TBC1D32: variants seen among roughly 807,000 people sequenced by gnomAD.
The protein encoded by TBC1D32 is protein broad-minded.
In TBC1D32, 151 loss-of-function variants were observed where a neutral mutation model predicts 170.3. That is an observed-to-expected ratio of 0.89 (90% confidence interval 0.78 to 1.01). The LOEUF is 1.01. Among genes scored for constraint, TBC1D32 ranks in the 50% least tolerant of loss-of-function variants. The pLI, the probability that TBC1D32 is intolerant of heterozygous loss-of-function variation, is 0.00. For synonymous variants in TBC1D32, 498 were observed against 488.0 expected, an observed-to-expected ratio of 1.02 and a Z score of -0.27; for missense variants, 1,464 against 1,457.1, an observed-to-expected ratio of 1.00 and a Z score of -0.08.
chr6:121,334,502 C>G, upstream of TBC1D32: 1 of 1,503,452 alleles, frequency 6.7e-7, no homozygotes, highest in East Asian at 2.6e-5. Context: ...CACGCGCACG[C>G]GCACCCCCAC....
chr6:121,162,813 G>A (rs552233209), intron 22 of TBC1D32, among the ~76,000 whole-genome samples: 2 of 99,106 alleles, frequency 2.0e-5, no homozygotes, highest in African/African-American at 3.0e-5. Flanking sequence ...CTGAGGTACC[G>A]GGTGCATCTC....
chr6:121,255,495 T>A, intron 16 of TBC1D32, 85 bp from the exon 17 acceptor site: 1 of 268,066 alleles, frequency 3.7e-6, no homozygotes, highest in Non-Finnish European at 6.4e-6. Flanking sequence ...ATAATTATAT[T>A]TTATAATTAT....
At chr6:121,137,454 A>G (rs1331141522) in intron 24 of TBC1D32, among the ~76,000 whole-genome samples, 2 of 148,300 alleles carry the variant, frequency 1.3e-5, no homozygotes, top group Admixed American at 1.4e-4. Context: ...TGATTTATAG[A>G]CAACTATGAA....
At chr6:121,170,578 G>T (rs773763907) in intron 22 of TBC1D32, 1 of 1,361,056 alleles carries the variant, frequency 7.3e-7, no homozygotes, top group Non-Finnish European at 9.6e-7. Flanking sequence ...TGTCCCAAAA[G>T]CATAATTACA....
chr6:121,228,391 T>C (rs1185395762), intron 20 of TBC1D32, among the ~76,000 whole-genome samples: 2 of 152,122 alleles, frequency 1.3e-5, no homozygotes, highest in Admixed American at 6.6e-5. Context: ...TATTTTCTAA[T>C]ACAAATATTA....
chr6:121,161,360 A>G (rs1207852569), intron 22 of TBC1D32, among the ~76,000 whole-genome samples: 1 of 151,894 alleles, frequency 6.6e-6, no homozygotes, highest in Non-Finnish European at 1.5e-5. Flanking sequence ...CCCCAGCTTC[A>G]CCCTCTAACA....
At chr6:121,304,270 T>C (rs918892862) in intron 8 of TBC1D32, 95 bp downstream of exon 8, 13 of 1,084,340 alleles carry the variant, frequency 1.2e-5, no homozygotes, top group African/African-American at 1.6e-5. Flanking sequence ...ATCAGGTAAG[T>C]CCATTAAGAC....
chr6:121,110,069 G>C (rs1444298806), intron 29 of TBC1D32, among the ~76,000 whole-genome samples: 1 of 151,710 alleles, frequency 6.6e-6, no homozygotes, highest in Non-Finnish European at 1.5e-5. Flanking sequence ...GGCTAACACG[G>C]TGAAACCTGG....
At chr6:121,134,110 A>G (rs1781751251) in intron 24 of TBC1D32, among the ~76,000 whole-genome samples, 1 of 152,124 alleles carries the variant, frequency 6.6e-6, no homozygotes, top group Non-Finnish European at 1.5e-5. Context: ...CATATTGCCA[A>G]GAATAAAATA....
At chr6:121,087,529 T>C (rs1057026416) in intron 31 of TBC1D32, among the ~76,000 whole-genome samples, 2 of 152,246 alleles carry the variant, frequency 1.3e-5, no homozygotes, top group Non-Finnish European at 1.5e-5. Flanking sequence ...CATGTCATTT[T>C]ATCTCAATAC....
rs1429260024 is a variant in TBC1D32, at chr6:121,113,147, A to T, written c.3084T>A (p.Asp1028Glu). The change falls in exon 28 of 32, where the codon GAT (aspartate) becomes GAA (glutamate). Residue 1028 changes from aspartate (D) to glutamate (E), a missense_variant. Physicochemically the swap from Asp to Glu is conservative, Grantham distance 45. Coordinates refer to ENST00000398212, the MANE Select transcript of TBC1D32 (RefSeq NM_152730.6). ...CCCAGGTAAGATCATTTTCTGCACCATCTTTTAAGAGACTGAGGAATTTGC... is the reference window on the plus strand; with the variant it reads ...CCCAGGTAAGATCATTTTCTGCACCTTCTTTTAAGAGACTGAGGAATTTGC... ...RYGKFLSLLKDGAENDLTWVL... is the reference protein window; with the variant it reads ...RYGKFLSLLKEGAENDLTWVL... The T allele has an allele frequency of 1.2e-6, 2 of 1,610,712 alleles. No individual in the cohort carries two copies. Among genetic ancestry groups the T allele is most frequent in the Non-Finnish European group, 1.7e-6 (2 of 1,178,852 alleles).
chr6:121,224,662 C>G (rs1419925274), intron 20 of TBC1D32, among the ~76,000 whole-genome samples: 3 of 152,034 alleles, frequency 2.0e-5, no homozygotes, highest in Non-Finnish European at 2.9e-5. Flanking sequence ...CTATTTGACA[C>G]CGACACCCTT....
At chr6:121,110,048 G>A (rs954521174) in intron 29 of TBC1D32, among the ~76,000 whole-genome samples, 3 of 151,770 alleles carry the variant, frequency 2.0e-5, no homozygotes, top group South Asian at 2.1e-4. Flanking sequence ...TCAGGAGATC[G>A]AGACCATCCT....
At chr6:121,125,974 C>A (rs1236058827) in intron 26 of TBC1D32, among the ~76,000 whole-genome samples, 1 of 152,102 alleles carries the variant, frequency 6.6e-6, no homozygotes, top group Non-Finnish European at 1.5e-5. Flanking sequence ...TGTTTACTTA[C>A]TAGGCCACTG....
intron 17 of TBC1D32, among the ~76,000 whole-genome samples, chr6:121,248,468 AGAG>A (rs1270886773): frequency 6.6e-6 from 1 of 152,072 alleles, no homozygotes; most frequent in Non-Finnish European, 1.5e-5. Context: ...AACCAAGATC[AGAG>A]GAGAATTAAA....
rs9320796 is a variant in TBC1D32, at chr6:121,205,304, G to C, written c.2482-141C>G. ...CCTGGGGAGCTGTAAATAATAAGAAGAAGAAGAAGAAGAAGAATAATAGTA... is the reference window on the plus strand; with the variant it reads ...CCTGGGGAGCTGTAAATAATAAGAACAAGAAGAAGAAGAAGAATAATAGTA... On this transcript the variant is annotated intron_variant, in intron 21 of 31. Coordinates refer to ENST00000398212, the MANE Select transcript of TBC1D32 (RefSeq NM_152730.6). 5.1e-3 allele frequency: 2,264 copies of C among 441,898 alleles called. 44 individuals carry two copies. The highest frequency in any genetic ancestry group is 0.043 in the African/African-American group (2,073 of 48,076). The allele number at this position is 441,898 out of a possible 1,614,324, so 27.4% of individuals were successfully genotyped here.
intron 20 of TBC1D32, among the ~76,000 whole-genome samples, chr6:121,226,272 G>A (rs1795050746): frequency 6.6e-6 from 1 of 152,026 alleles, no homozygotes; most frequent in Non-Finnish European, 1.5e-5. Flanking sequence ...ACTTACAATA[G>A]CGCCTAAATG....
chr6:121,286,866 T>A (rs577651189), intron 12 of TBC1D32, among the ~76,000 whole-genome samples: 2 of 151,946 alleles, frequency 1.3e-5, no homozygotes, highest in African/African-American at 4.8e-5. Context: ...TTAAAGAAAA[T>A]AATTTTCAAC....
At chr6:121,251,263 T>C (rs576659677) in intron 17 of TBC1D32, among the ~76,000 whole-genome samples, 6 of 152,162 alleles carry the variant, frequency 3.9e-5, no homozygotes, top group Non-Finnish European at 7.4e-5. Flanking sequence ...AGAGCCCACT[T>C]AGCCAAGACA....
Sources: gnomAD v4.1 joint callset for allele counts (sites outside exome capture counted in the v4.1 genomes callset) on GRCh38, gnomAD v4.1.1 for gene constraint, MANE v1.5 for transcripts, NCBI Gene and HGNC (gene_info 2026-07-23, HGNC 2026-07-21) for gene names.